The following CNTN5 variants were observed in gnomAD, a reference collection of about 807,000 sequenced individuals.
The protein encoded by CNTN5 is contactin 5.
A neutral mutation model predicts 129.1 loss-of-function variants in CNTN5; 77 were observed. The ratio of observed to expected loss-of-function variants is 0.60; its 90% CI spans 0.50 to 0.72. CNTN5 has a LOEUF of 0.72. Ranked by LOEUF, CNTN5 falls within the 30% of genes least tolerant of loss-of-function variation. The pLI, the probability that CNTN5 is intolerant of heterozygous loss-of-function variation, is 0.00. For missense variants in CNTN5, 1,478 were observed against 1,328.8 expected (o/e 1.11, Z -1.75); for synonymous variants, 509 against 465.6 (o/e 1.09, Z -1.20).
At chr11:99,488,065 A>T (rs1249381734) in intron 2 of CNTN5, among the ~76,000 whole-genome samples, 1 of 152,044 alleles carries the variant, frequency 6.6e-6, no homozygotes, top group East Asian at 1.9e-4. Flanking sequence ...TGCCAGAGGG[A>T]TTAATCAAAT....
At chr11:99,954,364 A>G (rs1486990586) in intron 7 of CNTN5, among the ~76,000 whole-genome samples, 2 of 152,198 alleles carry the variant, frequency 1.3e-5, no homozygotes, top group Non-Finnish European at 2.9e-5. Flanking sequence ...CTGTTAAAAA[A>G]AAACCTTAAA....
intron 6 of CNTN5, among the ~76,000 whole-genome samples, chr11:99,855,178 T>A (rs1361317167): frequency 1.3e-5 from 2 of 152,016 alleles, no homozygotes; most frequent in Admixed American, 1.3e-4. Flanking sequence ...ACGTGGCAGT[T>A]TGTGACTATG....
At chr11:99,599,179 G>T (rs145082246) in intron 3 of CNTN5, among the ~76,000 whole-genome samples, 7 of 151,750 alleles carry the variant, frequency 4.6e-5, no homozygotes, top group Admixed American at 2.6e-4. Context: ...TTACTTGGAG[G>T]TGTTTTTTTT....
chr11:99,060,893 G>C (rs879629000), intron 1 of CNTN5, among the ~76,000 whole-genome samples: 2 of 152,042 alleles, frequency 1.3e-5, no homozygotes, highest in Non-Finnish European at 2.9e-5. Context: ...TCCTATGAGA[G>C]AGTGCAAGTA....
intron 3 of CNTN5, among the ~76,000 whole-genome samples, chr11:99,582,133 T>G (rs1949624831): frequency 6.6e-6 from 1 of 152,166 alleles, no homozygotes; most frequent in East Asian, 1.9e-4. Flanking sequence ...TTCTTTTCTT[T>G]AAGAATGTTG....
intron 1 of CNTN5, among the ~76,000 whole-genome samples, chr11:99,047,507 AAC>A (rs1327561336): frequency 1.3e-5 from 2 of 152,138 alleles, no homozygotes; most frequent in Non-Finnish European, 1.5e-5. Context: ...TAGATAATTT[AAC>A]AGTCTTCTAA....
intron 3 of CNTN5, among the ~76,000 whole-genome samples, chr11:99,724,523 C>G (rs569760893): frequency 6.6e-6 from 1 of 152,248 alleles, no homozygotes; most frequent in Non-Finnish European, 1.5e-5. Context: ...TTAATTAATT[C>G]AATCCTCAAA....
intron 3 of CNTN5, among the ~76,000 whole-genome samples, chr11:99,667,838 G>A (rs1952858265): frequency 2.6e-5 from 4 of 152,016 alleles, no homozygotes; most frequent in Admixed American, 2.6e-4. Flanking sequence ...TGGGTCAATA[G>A]GTGTAGCAAA....
At chr11:100,089,386 T>C (rs568820039) in intron 13 of CNTN5, among the ~76,000 whole-genome samples, 1 of 152,246 alleles carries the variant, frequency 6.6e-6, no homozygotes, top group East Asian at 1.9e-4. Context: ...AGAATGGTTA[T>C]TATTAAAAAG....
intron 18 of CNTN5, among the ~76,000 whole-genome samples, chr11:100,271,644 T>G (rs1403770331): frequency 6.6e-6 from 1 of 152,318 alleles, no homozygotes; most frequent in East Asian, 1.9e-4. Context: ...TAGAACTCTT[T>G]TATGTTACCC....
chr11:99,227,488 A>T (rs1860755790), intron 1 of CNTN5, among the ~76,000 whole-genome samples: 1 of 152,208 alleles, frequency 6.6e-6, no homozygotes, highest in African/African-American at 2.4e-5. Flanking sequence ...CAAAAGAATT[A>T]CTAGTGATTT....
intron 1 of CNTN5, among the ~76,000 whole-genome samples, chr11:99,305,537 C>T (rs139081575): frequency 4.7e-4 from 71 of 152,146 alleles, no homozygotes; most frequent in African/African-American, 1.6e-3. Flanking sequence ...TTTTTATATA[C>T]GGTCTTTCAG....
intron 18 of CNTN5, among the ~76,000 whole-genome samples, chr11:100,289,575 A>G (rs1385814726): frequency 2.0e-5 from 3 of 152,050 alleles, no homozygotes; most frequent in Admixed American, 2.0e-4. Flanking sequence ...CATGCTAAAA[A>G]CTCTCAATAA....
intron 3 of CNTN5, among the ~76,000 whole-genome samples, chr11:99,722,407 A>G (rs1046124673): frequency 6.6e-6 from 1 of 152,106 alleles, no homozygotes; most frequent in African/African-American, 2.4e-5. Context: ...ACTTGTTCTC[A>G]CTTGTGAGTG....
chr11:99,883,429 T>A (rs1312155764), intron 6 of CNTN5, among the ~76,000 whole-genome samples: 1 of 152,196 alleles, frequency 6.6e-6, no homozygotes, highest in African/African-American at 2.4e-5. Context: ...TGAGATGATA[T>A]CTCATTGTAG....
chr11:99,808,645 T>C (rs188883562), intron 3 of CNTN5, among the ~76,000 whole-genome samples: 96 of 152,302 alleles, frequency 6.3e-4, no homozygotes, highest in Middle Eastern at 3.4e-3. Flanking sequence ...CAGGGATTCC[T>C]AGGCAACTTT....
At chr11:99,535,873 A>G (rs1414601015) in intron 2 of CNTN5, among the ~76,000 whole-genome samples, 3 of 152,178 alleles carry the variant, frequency 2.0e-5, no homozygotes, top group African/African-American at 4.8e-5. Context: ...TTAACTCACT[A>G]AAATATTACT....
intron 2 of CNTN5, among the ~76,000 whole-genome samples, chr11:99,535,892 G>T (rs1301522526): frequency 2.0e-5 from 3 of 151,976 alleles, no homozygotes; most frequent in African/African-American, 7.3e-5. Context: ...CTTCTTATTT[G>T]ATTCCTTTTT....
chr11:99,754,592 T>G (rs760215985), intron 3 of CNTN5, among the ~76,000 whole-genome samples: 1 of 152,214 alleles, frequency 6.6e-6, no homozygotes, highest in Non-Finnish European at 1.5e-5. Flanking sequence ...TATTTTTTAA[T>G]TTAAATAGAC....
Sources: allele counts gnomAD v4.1 joint callset (sites outside exome capture counted in the v4.1 genomes callset), GRCh38; gene constraint gnomAD v4.1.1; transcripts MANE v1.5; gene names NCBI Gene and HGNC (gene_info 2026-07-23, HGNC 2026-07-21).